Variants in SCFD2 observed in about 807,000 individuals in gnomAD.
SCFD2 encodes the protein sec1 family domain-containing protein 2.
A neutral mutation model predicts 58.9 loss-of-function variants in SCFD2; 54 were observed. That is an observed-to-expected ratio of 0.92 (90% CI 0.74 to 1.15). The LOEUF is 1.15. SCFD2 is among the 50% of genes most tolerant of loss of function. The pLI is 0.00. For missense variants in SCFD2, 805 were observed against 836.6 expected (o/e 0.96, Z 0.47); for synonymous variants, 321 against 335.9 (o/e 0.96, Z 0.49).
chr4:53,317,325 C>G (rs1353318478), intron 2 of SCFD2, among the ~76,000 whole-genome samples: 1 of 152,008 alleles, frequency 6.6e-6, no homozygotes, highest in Non-Finnish European at 1.5e-5. Flanking sequence ...TTTTTGTCTC[C>G]TGCACCCACT....
At chr4:52,970,701 G>C (rs915801686) in intron 5 of SCFD2, among the ~76,000 whole-genome samples, 4 of 152,222 alleles carry the variant, frequency 2.6e-5, no homozygotes, top group Admixed American at 6.5e-5. Context: ...GGAAATATGA[G>C]AACAGACAGA....
chr4:53,179,986 T>C (rs1327950558), intron 4 of SCFD2, among the ~76,000 whole-genome samples: 2 of 151,986 alleles, frequency 1.3e-5, no homozygotes, highest in African/African-American at 4.8e-5. Flanking sequence ...TACAGGAGCA[T>C]CCAGATTCAT....
intron 6 of SCFD2, among the ~76,000 whole-genome samples, chr4:52,911,452 A>AG: frequency 6.6e-6 from 1 of 152,328 alleles, no homozygotes; most frequent in East Asian, 1.9e-4. Context: ...CAACCTCTTC[A>AG]TTCTTGAGAC....
chr4:53,051,997 A>G (rs2148832700), intron 5 of SCFD2, among the ~76,000 whole-genome samples: 1 of 152,346 alleles, frequency 6.6e-6, no homozygotes, highest in South Asian at 2.1e-4. Context: ...TCAGACATTC[A>G]GCACCAGACC....
intron 4 of SCFD2, among the ~76,000 whole-genome samples, chr4:53,164,564 C>T (rs372055652): frequency 4.6e-5 from 7 of 152,112 alleles, no homozygotes; most frequent in East Asian, 1.9e-4. Context: ...GAGGCCAAGG[C>T]GGGCAGATAA....
intron 2 of SCFD2, among the ~76,000 whole-genome samples, chr4:53,351,507 T>C (rs536731286): frequency 6.6e-6 from 1 of 152,324 alleles, no homozygotes; most frequent in South Asian, 2.1e-4. Context: ...AAAAAGAGTG[T>C]TTGAATAATA....
At chr4:53,273,344 C>CATACAAAT (rs1250155133) in intron 4 of SCFD2, among the ~76,000 whole-genome samples, 1 of 152,188 alleles carries the variant, frequency 6.6e-6, no homozygotes, top group Non-Finnish European at 1.5e-5. Flanking sequence ...TCCTATCCCA[C>CATACAAAT]ATACAAATAT....
rs1430052251 is a variant in SCFD2, at chr4:52,907,593, T to C, written c.1708-2A>G. On this transcript the variant is annotated splice_acceptor_variant, in intron 6 of 8. Transcript: ENST00000401642. LOFTEE classifies it high-confidence loss of function. ...CTTCAACAATGGCTTATAAGATGCC[T>C]GGAAAGACAAAATACTATGAGTAAA... 1.2e-6 allele frequency: 2 copies of C among 1,613,920 alleles called. No individual in the cohort carries two copies. Among genetic ancestry groups the C allele is most frequent in the Non-Finnish European group, 1.7e-6 (2 of 1,179,868 alleles).
chr4:53,294,470 C>A (rs990563729), intron 3 of SCFD2, among the ~76,000 whole-genome samples: 7 of 152,152 alleles, frequency 4.6e-5, no homozygotes, highest in African/African-American at 1.4e-4. Context: ...ATATCCTTTG[C>A]CCACTTTTTG....
At chr4:52,979,482 A>C (rs925743926) in intron 5 of SCFD2, among the ~76,000 whole-genome samples, 5 of 152,098 alleles carry the variant, frequency 3.3e-5, no homozygotes, top group African/African-American at 1.2e-4. Flanking sequence ...TATTTCACTG[A>C]AAAGGTGTCT....
chr4:53,172,422 A>G (rs1329209658), intron 4 of SCFD2, among the ~76,000 whole-genome samples: 1 of 152,214 alleles, frequency 6.6e-6, no homozygotes, highest in Non-Finnish European at 1.5e-5. Context: ...TCCTTGAGAT[A>G]AAACATTAGG....
At chr4:52,991,546 G>A (rs890711050) in intron 5 of SCFD2, among the ~76,000 whole-genome samples, 1 of 152,092 alleles carries the variant, frequency 6.6e-6, no homozygotes, top group South Asian at 2.1e-4. Context: ...TTGGCCTTGG[G>A]GGACAAGACT....
chr4:53,330,815 G>A (rs1374209227), intron 2 of SCFD2, among the ~76,000 whole-genome samples: 1 of 152,056 alleles, frequency 6.6e-6, no homozygotes, highest in Non-Finnish European at 1.5e-5. Flanking sequence ...TGGATAAAGA[G>A]TCAAGACCCA....
intron 2 of SCFD2, among the ~76,000 whole-genome samples, chr4:53,317,921 T>C (rs1732913982): frequency 6.6e-6 from 1 of 152,210 alleles, no homozygotes; most frequent in Non-Finnish European, 1.5e-5. Flanking sequence ...GCAGTAGTAG[T>C]AGCAGCAGCA....
chr4:53,332,725 A>C (rs903928713), intron 2 of SCFD2, among the ~76,000 whole-genome samples: 2 of 151,976 alleles, frequency 1.3e-5, no homozygotes, highest in Non-Finnish European at 1.5e-5. Flanking sequence ...CCTATTCAAC[A>C]TAGTGTTGGA....
Position 53,119,710 on chromosome 4 carries a change from ACCCCTGAAGAGTGCTGTAAT to A in SCFD2, c.1561+25603_1561+25622del, listed in dbSNP as rs1406716256. On this transcript the variant is annotated intron_variant, in intron 5 of 8. Coordinates refer to ENST00000401642, the MANE Select transcript of SCFD2 (RefSeq NM_152540.4). ...ATGCTTTCATTTCAGAACTTTCCAA[ACCCCTGAAGAGTGCTGTAAT>A]CCCCTGTAGAAAACAGATAAATTGA... Among the ~76,000 whole-genome samples the A allele has an allele frequency of 5.9e-5, 9 of 152,112 alleles. No homozygotes were observed. In the East Asian group the frequency reaches 1.5e-3, roughly 26 times the overall value.
intron 5 of SCFD2, among the ~76,000 whole-genome samples, chr4:53,066,839 C>G (rs1723675658): frequency 6.6e-6 from 1 of 152,046 alleles, no homozygotes; most frequent in Admixed American, 6.6e-5. Flanking sequence ...TTCCTCTCCT[C>G]CACAGCACTT....
At chr4:53,308,626 A>G (rs888397461) in intron 3 of SCFD2, among the ~76,000 whole-genome samples, 3 of 152,224 alleles carry the variant, frequency 2.0e-5, no homozygotes, top group Non-Finnish European at 2.9e-5. Flanking sequence ...GCTATTACTC[A>G]GCCAGAACTG....
At chr4:53,158,578 A>T (rs73143457) in intron 4 of SCFD2, among the ~76,000 whole-genome samples, 5,416 of 152,154 alleles carry the variant, frequency 0.036, 334 homozygotes, top group African/African-American at 0.12. Flanking sequence ...TTATATATCC[A>T]TCCCTTCTTA....
Sources: gnomAD v4.1 joint callset for allele counts (sites outside exome capture counted in the v4.1 genomes callset) on GRCh38, gnomAD v4.1.1 for gene constraint, MANE v1.5 for transcripts, NCBI Gene and HGNC (gene_info 2026-07-23, HGNC 2026-07-21) for gene names.